Variants in MYH10 observed in about 807,000 individuals in gnomAD.
MYH10 encodes myosin-10.
MYH10 carries 55 observed loss-of-function variants against 257.8 expected under a neutral mutation model. The observed-to-expected ratio is 0.21, with a 90% CI of 0.17 to 0.27. The LOEUF (loss-of-function observed/expected upper bound fraction) is 0.27. Ranked by LOEUF, MYH10 falls within the 10% of genes least tolerant of loss-of-function variation. The probability of loss-of-function intolerance (pLI) is 1.00; values close to 1 mark genes in which losing one functional copy is unlikely to be tolerated. For missense variants in MYH10, 1,631 were observed against 2,500.6 expected (o/e 0.65, Z 7.42); for synonymous variants, 854 against 921.7 (o/e 0.93, Z 1.33).
chr17:8,604,986 G>A lies in MYH10; in HGVS notation c.346-4C>T, dbSNP rs754222694. On this transcript the variant is annotated splice_region_variant and splice_polypyrimidine_tract_variant and intron_variant, in intron 2 of 42. Coordinates refer to ENST00000360416, the MANE Select transcript of MYH10 (RefSeq NM_001256012.3). ...CACAGAAGAGTCCAGAATAAGTCTA[G>A]AATAAAAATAAAATAGAGTATTAAA... The A allele has an allele frequency of 7.1e-6, 10 of 1,413,228 alleles. No individual in the cohort carries two copies. In the Admixed American group the frequency reaches 1.1e-4, roughly 16 times the overall value. The allele number at this position is 1,413,228 out of a possible 1,614,324, so 87.5% of individuals were successfully genotyped here.
At chr17:8,484,441 G>A (rs2151790980) in intron 36 of MYH10, among the ~76,000 whole-genome samples, 175 bp from the exon 37 acceptor site, 2 of 152,226 alleles carry the variant, frequency 1.3e-5, no homozygotes, top group Non-Finnish European at 2.9e-5. Context: ...TTCTTAGCTT[G>A]TAAACATGGT....
chr17:8,551,478 C>G (rs1158599898), intron 9 of MYH10, among the ~76,000 whole-genome samples: 1 of 152,128 alleles, frequency 6.6e-6, no homozygotes, highest in East Asian at 1.9e-4. Flanking sequence ...ATTTGAGAAT[C>G]AGAAGAGATG....
At chr17:8,531,071 C>T (rs566821853) in intron 16 of MYH10, among the ~76,000 whole-genome samples, 24 of 151,958 alleles carry the variant, frequency 1.6e-4, no homozygotes, top group African/African-American at 5.3e-4. Context: ...AGCACTATGG[C>T]GAATGTAAGT....
Position 8,630,216 on chromosome 17 carries a change from C to A in MYH10, c.-32+438G>T, listed in dbSNP as rs947941631. On this transcript the variant is annotated intron_variant, in intron 1 of 42. Coordinates refer to ENST00000360416, the MANE Select transcript of MYH10 (RefSeq NM_001256012.3). ...GCAGACACTGGCTCGCGGGGCACGC[C>A]GAGACCTCCGCCGGGACACTAGCCC... Among the ~76,000 whole-genome samples the A allele has an allele frequency of 1.1e-4, 17 of 151,630 alleles. 1 individual carries two copies. In the South Asian group the frequency reaches 3.3e-3, roughly 30 times the overall value.
chr17:8,621,868 T>G (rs560844358), intron 2 of MYH10, among the ~76,000 whole-genome samples: 1 of 152,348 alleles, frequency 6.6e-6, no homozygotes, highest in East Asian at 1.9e-4. Flanking sequence ...GCCATTCTCC[T>G]ACTTACTCTC....
At position 8,494,925 on chromosome 17, in the gene MYH10, C is replaced by A. The variant is rs75408115; in HGVS notation, c.4056+212G>T. Among the ~76,000 whole-genome samples the A allele has an allele frequency of 4.1e-3, 621 of 152,358 alleles. 1 individual carries two copies. The highest frequency in any genetic ancestry group is 7.2e-3 in the Non-Finnish European group (493 of 68,036). On this transcript the variant is annotated intron_variant, in intron 31 of 42. Transcript: ENST00000360416. The stretch of plus-strand genomic sequence containing the variant: ...AGCTGTCTCCGAGGCCACCCACGTG[C>A]CTGCCAGACACACGAACCCCAGGGG...
chr17:8,535,499 C>T lies in MYH10; in HGVS notation c.1782G>A (p.Val594=), dbSNP rs2082117394. 9 of 1,608,432 alleles carry T rather than the reference C, an allele frequency of 5.6e-6. No individual in the cohort carries two copies. The highest frequency in any genetic ancestry group is 7.6e-6 in the Non-Finnish European group (9 of 1,177,458). ...TCAGCCACTCATCTGCCTTATAGTC[C>T]ACCTATCCCGCACCAAAGCCAAAAG... is the stretch of plus-strand genomic sequence containing the variant. ...DFCIIHYAGK[V]DYKADEWLMK... Residue 594 remains valine (V), a splice_region_variant and synonymous_variant, in exon 16 of 43, where the codon GTG becomes GTA. Transcript: ENST00000360416. This position sits in a 1 kb window ranked among gnomAD's most constrained non-coding sequence, Gnocchi z 4.3.
In MYH10 at chr17:8,512,666, A is replaced by G; in HGVS notation, c.2746-9T>C. 1 of 1,609,140 alleles carries G rather than the reference A, an allele frequency of 6.2e-7. No individual in the cohort carries two copies. On this transcript the variant is annotated splice_polypyrimidine_tract_variant and intron_variant, in intron 23 of 42. Transcript: ENST00000360416. ...TTCTTCTCTTCTAAAAGCTGCAATC[A>G]CAATAAAGTGTCTGTGATTTGCCCC... is the stretch of plus-strand genomic sequence containing the variant.
At chr17:8,614,053 A>G (rs889895875) in intron 2 of MYH10, among the ~76,000 whole-genome samples, 2 of 152,248 alleles carry the variant, frequency 1.3e-5, no homozygotes, top group African/African-American at 4.8e-5. Flanking sequence ...GCATGTACAC[A>G]GCAAAAATGG....
chr17:8,486,543 CAAAAAAAAAAAAAAAAAAA>C (rs67844660), intron 36 of MYH10, among the ~76,000 whole-genome samples: 55 of 120,726 alleles, frequency 4.6e-4, no homozygotes, highest in Admixed American at 1.5e-3. Flanking sequence ...TATTTAGCTT[CAAAAAAAAAAAAAAAAAAA>C]AAAAAAAAAA....
intron 29 of MYH10, among the ~76,000 whole-genome samples, chr17:8,500,380 T>A (rs899351928): frequency 6.6e-6 from 1 of 152,082 alleles, no homozygotes; most frequent in African/African-American, 2.4e-5. Flanking sequence ...AAGCCAACAC[T>A]GTGTTTGGTG....
At chr17:8,531,617 C>T (rs2082006208) in intron 16 of MYH10, among the ~76,000 whole-genome samples, 1 of 151,008 alleles carries the variant, frequency 6.6e-6, no homozygotes, top group South Asian at 2.1e-4. Context: ...TCTTAAACTC[C>T]TGGGGTCAAG....
intron 16 of MYH10, among the ~76,000 whole-genome samples, chr17:8,533,088 T>C (rs1255155908): frequency 6.6e-6 from 1 of 152,170 alleles, no homozygotes; most frequent in East Asian, 1.9e-4. Flanking sequence ...TCTGTTCCTG[T>C]TTCCCAGGCA....
In MYH10 at chr17:8,487,466, C is replaced by G. The variant is rs1232040482; in HGVS notation, c.5013G>C (p.Arg1671=). The G allele has an allele frequency of 6.2e-6, 10 of 1,614,194 alleles. No individual in the cohort carries two copies. The highest frequency in any genetic ancestry group is 8.5e-6 in the Non-Finnish European group (10 of 1,180,040). Residue 1671 remains arginine (R), a synonymous_variant, in exon 36 of 43, where the codon CGG becomes CGC. Transcript: ENST00000360416. The part of the protein sequence containing the change: ...EAQIEAANKA[R]DEVIKQLRKL... ...TGCGGAGCTGCTTAATCACCTCATC[C>G]CGAGCTTTGTTCGCAGCCTCGATTT...
chr17:8,578,054 C>T (rs1303416638), intron 4 of MYH10, among the ~76,000 whole-genome samples: 1 of 152,126 alleles, frequency 6.6e-6, no homozygotes, highest in Non-Finnish European at 1.5e-5. Context: ...TGAAAGAACT[C>T]TGAGATGCCT....
chr17:8,545,582 C>T lies in MYH10; in HGVS notation c.1297G>A (p.Ala433Thr). 1 of 1,611,418 alleles carries T rather than the reference C, an allele frequency of 6.2e-7. No individual in the cohort carries two copies. Among genetic ancestry groups the T allele is most frequent in the East Asian group, 2.2e-5 (1 of 44,872 alleles). The change falls in exon 13 of 43, where the codon GCA becomes ACA. Residue 433 changes from alanine (A) to threonine (T), a missense_variant. By Grantham distance (58) the Ala-to-Thr change is moderately conservative (BLOSUM62 0). Around this residue, in one of 11 missense-constraint regions of MYH10, gnomAD observed 360 missense variants for 581.9 expected, o/e 0.62. Transcript: ENST00000360416. The surrounding 1 kb of genome is among the most constrained non-coding windows in gnomAD (Gnocchi z 4.7). Reference sequence around the variant, plus strand: ...CGCTCATAGGTAGCTTTTGCCAATGCTTCTACTGCAAAATCTGCCTGTAAT... The same window carrying T: ...CGCTCATAGGTAGCTTTTGCCAATGTTTCTACTGCAAAATCTGCCTGTAAT... ...TKEQADFAVE[A>T]LAKATYERLF... is the part of the protein sequence containing the mutation.
intron 21 of MYH10, among the ~76,000 whole-genome samples, chr17:8,515,790 C>T (rs925490561): frequency 2.6e-5 from 4 of 152,000 alleles, no homozygotes; most frequent in African/African-American, 9.7e-5. Context: ...GTGATCCCCC[C>T]GCCTCGGCCT....
chr17:8,577,622 C>T (rs2083545994), intron 4 of MYH10, among the ~76,000 whole-genome samples: 1 of 152,250 alleles, frequency 6.6e-6, no homozygotes, highest in Non-Finnish European at 1.5e-5. Context: ...ACGTCTGTCT[C>T]CCGGCTTCAA....
chr17:8,573,815 T>C (rs778562977), intron 6 of MYH10: 26 of 967,726 alleles, frequency 2.7e-5, no homozygotes, highest in Middle Eastern at 5.2e-4. Flanking sequence ...GTTCATATTT[T>C]GAAAATGAAG....
Sources: gnomAD v4.1 joint callset for allele counts (sites outside exome capture counted in the v4.1 genomes callset) on GRCh38, gnomAD v4.1.1 for gene constraint, gnomAD v4.1.1 regional missense constraint, Gnocchi (gnomAD v3.1) non-coding constraint, MANE v1.5 for transcripts, NCBI Gene and HGNC (gene_info 2026-07-23, HGNC 2026-07-21) for gene names.